CHODL: variants seen among roughly 807,000 people sequenced by gnomAD.
CHODL encodes transmembrane protein MT75.
A neutral mutation model predicts 34.5 loss-of-function variants in CHODL; 29 were observed. That is an observed-to-expected ratio of 0.84 (90% CI 0.63 to 1.15). CHODL has a LOEUF of 1.15. Among genes scored for constraint, CHODL ranks in the 50% most tolerant of loss-of-function variants. CHODL has a pLI of 0.00. For synonymous variants in CHODL, 125 were observed against 116.1 expected (o/e 1.08, Z -0.49); for missense variants, 332 against 332.5 (o/e 1.00, Z 0.01).
intron 2 of CHODL, among the ~76,000 whole-genome samples, chr21:18,081,633 A>G (rs2146514656): frequency 6.6e-6 from 1 of 151,064 alleles, no homozygotes; most frequent in South Asian, 2.1e-4. Context: ...GTGAGCTGAG[A>G]TTGTACCATT....
At chr21:18,074,783 G>A (rs986447253) in intron 2 of CHODL, among the ~76,000 whole-genome samples, 1 of 152,154 alleles carries the variant, frequency 6.6e-6, no homozygotes, top group African/African-American at 2.4e-5. Flanking sequence ...CTGAGTCAGA[G>A]AAAATTTCTT....
chr21:17,968,755 C>G (rs2063592709), intron 1 of CHODL, among the ~76,000 whole-genome samples: 1 of 152,138 alleles, frequency 6.6e-6, no homozygotes, highest in African/African-American at 2.4e-5. Context: ...AATTTCTCAC[C>G]ATGCAGGGTA....
At chr21:17,997,796 C>T (rs2063865606) in intron 1 of CHODL, among the ~76,000 whole-genome samples, 1 of 152,054 alleles carries the variant, frequency 6.6e-6, no homozygotes, top group African/African-American at 2.4e-5. Flanking sequence ...CAATTATCTC[C>T]CCCACCCCTC....
intron 2 of CHODL, among the ~76,000 whole-genome samples, chr21:18,237,707 T>C (rs1477377861): frequency 1.3e-5 from 2 of 152,260 alleles, no homozygotes; most frequent in East Asian, 3.9e-4. Flanking sequence ...TTTGGATAAA[T>C]ATTTACCAAA....
intron 2 of CHODL, among the ~76,000 whole-genome samples, chr21:18,108,905 G>A (rs1005821356): frequency 6.7e-5 from 10 of 150,328 alleles, no homozygotes; most frequent in Non-Finnish European, 1.0e-4. Context: ...GCACTATTTT[G>A]TATCATGTAG....
intron 1 of CHODL, among the ~76,000 whole-genome samples, chr21:18,023,371 C>T (rs2064145062): frequency 6.6e-6 from 1 of 152,082 alleles, no homozygotes; most frequent in African/African-American, 2.4e-5. Context: ...TTTACGGGAG[C>T]CAGTTCCAGC....
At position 18,068,706 on chromosome 21, in the gene CHODL, G is replaced by A. The variant is rs140884604; in HGVS notation, c.-45+40735G>A. ...AATTTCCTTCTTACATATTCTGTCC[G>A]CTCTTGGTTATGTATGAAGCAACAT... On this transcript the variant is annotated intron_variant, in intron 2 of 6. Coordinates refer to the CHODL transcript ENST00000400127. Among the ~76,000 whole-genome samples the A allele has an allele frequency of 2.9e-3, 437 of 151,864 alleles. 3 individuals are homozygous for A. Among genetic ancestry groups the A allele is most frequent in the Non-Finnish European group, 2.2e-3 (150 of 67,982 alleles).
intron 2 of CHODL, among the ~76,000 whole-genome samples, chr21:18,166,992 T>C (rs2073161521): frequency 6.6e-6 from 1 of 152,158 alleles, no homozygotes; most frequent in East Asian, 1.9e-4. Flanking sequence ...TTTGTAGGAA[T>C]GGAAGTAGAT....
At chr21:18,211,777 G>A (rs1300266730) in intron 2 of CHODL, among the ~76,000 whole-genome samples, 3 of 152,274 alleles carry the variant, frequency 2.0e-5, no homozygotes, top group South Asian at 2.1e-4. Context: ...AGACAGAACC[G>A]ACCTGGAACT....
chr21:18,236,189 G>C (rs1265912619), intron 2 of CHODL, among the ~76,000 whole-genome samples: 2 of 152,130 alleles, frequency 1.3e-5, no homozygotes, highest in Non-Finnish European at 2.9e-5. Flanking sequence ...TCACAGGGCA[G>C]CAGAAAGAGA....
intron 2 of CHODL, among the ~76,000 whole-genome samples, chr21:18,031,990 A>C (rs2064253551): frequency 2.6e-5 from 4 of 152,120 alleles, no homozygotes; most frequent in Admixed American, 2.6e-4. Flanking sequence ...ATAGACACTA[A>C]TTTACAATGC....
intron 1 of CHODL, among the ~76,000 whole-genome samples, chr21:17,952,224 C>T (rs904336055): frequency 8.8e-6 from 1 of 113,516 alleles, no homozygotes; most frequent in African/African-American, 3.4e-5. Context: ...AAGAAATAAA[C>T]CTACAAATCC....
chr21:18,040,103 G>A (rs1188672964), intron 2 of CHODL, among the ~76,000 whole-genome samples: 1 of 151,768 alleles, frequency 6.6e-6, no homozygotes. Context: ...TCATAATTGA[G>A]TCTTATAATT....
intron 2 of CHODL, among the ~76,000 whole-genome samples, chr21:18,140,904 T>A (rs1010834283): frequency 7.9e-5 from 12 of 151,104 alleles, no homozygotes; most frequent in African/African-American, 2.7e-4. Flanking sequence ...ACGTGTATTG[T>A]TTTTTTTTCC....
chr21:17,930,868 T>C (rs1024272528), intron 1 of CHODL, among the ~76,000 whole-genome samples: 1 of 152,156 alleles, frequency 6.6e-6, no homozygotes, highest in Admixed American at 6.5e-5. Context: ...AGCCACAAAG[T>C]TGTCTGTATT....
chr21:18,093,417 TAAAC>T (rs1162364279), intron 2 of CHODL, among the ~76,000 whole-genome samples: 1 of 152,060 alleles, frequency 6.6e-6, no homozygotes, highest in East Asian at 1.9e-4. Flanking sequence ...CTGGTAATAA[TAAAC>T]ACACAGAAAA....
rs146326131 is a variant in CHODL, at chr21:18,215,623, T to C, written c.-44-40886T>C. On this transcript the variant is annotated intron_variant, in intron 2 of 6. Coordinates refer to the CHODL transcript ENST00000400127. ...ATTAATGCTTTTTCTTTCAGTCTTA[T>C]ATTTAGCATATTTAGCTTGTCCTTA... Among the ~76,000 whole-genome samples, 659 of 152,326 alleles carry C rather than the reference T, an allele frequency of 4.3e-3. 3 individuals are homozygous for C. Among genetic ancestry groups the C allele is most frequent in the Non-Finnish European group, 7.1e-3 (485 of 68,012 alleles).
upstream of CHODL, among the ~76,000 whole-genome samples, chr21:18,241,161 T>C (rs970397948): frequency 6.6e-6 from 1 of 151,876 alleles, no homozygotes; most frequent in South Asian, 2.1e-4. Flanking sequence ...CCCACACAGA[T>C]GCCAAGGTGT....
chr21:17,927,180 A>G (rs541151292), intron 1 of CHODL, among the ~76,000 whole-genome samples: 2 of 147,716 alleles, frequency 1.4e-5, no homozygotes, highest in South Asian at 2.1e-4. Context: ...ATATATGTAT[A>G]TATATGTATA....
Sources: gnomAD v4.1 joint callset for allele counts (sites outside exome capture counted in the v4.1 genomes callset) on GRCh38, gnomAD v4.1.1 for gene constraint, MANE v1.5 for transcripts, NCBI Gene and HGNC (gene_info 2026-07-23, HGNC 2026-07-21) for gene names.